Variants in ATRX observed in about 807,000 individuals in gnomAD.
ATRX encodes chromatin remodeler ATRX.
A neutral mutation model predicts 172.6 loss-of-function variants in ATRX; 12 were observed. The observed-to-expected ratio is 0.07, with a 90% CI of 0.04 to 0.11. ATRX has a LOEUF of 0.11. ATRX is among the 10% of genes least tolerant of loss of function. The pLI is 1.00. For missense variants in ATRX, 1,368 were observed against 1,767.4 expected, an observed-to-expected ratio of 0.77 and a Z score of 4.05; for synonymous variants, 674 against 594.7, an observed-to-expected ratio of 1.13 and a Z score of -1.94.
At chrX:77,569,873 TAATAC>T (rs1180834694) in intron 28 of ATRX, among the ~76,000 whole-genome samples, 5 of 112,119 alleles carry the variant, frequency 4.5e-5, no homozygotes, top group African/African-American at 1.6e-4. Flanking sequence ...GTAATAGGTT[TAATAC>T]AATACCTATT....
At chrX:77,633,843 C>T in intron 17 of ATRX, 131 bp from the exon 18 acceptor site, 3 of 686,964 alleles carry the variant, frequency 4.4e-6, no homozygotes. Context: ...CCAGGCAAGG[C>T]ACAGGGAAAG....
At chrX:77,700,370 T>C (rs1569540984) in intron 2 of ATRX, among the ~76,000 whole-genome samples, 1 of 111,674 alleles carries the variant, frequency 9.0e-6, no homozygotes, top group Non-Finnish European at 1.9e-5. Context: ...CAAAAGAAAC[T>C]ATCATTTATT....
chrX:77,648,151 C>G (rs2069009680), intron 15 of ATRX, among the ~76,000 whole-genome samples: 1 of 110,864 alleles, frequency 9.0e-6, no homozygotes. Context: ...TCTGAGAGAC[C>G]TACAAGGAGA....
At chrX:77,716,323 AATATATATATAT>A (rs1292367303) in intron 2 of ATRX, among the ~76,000 whole-genome samples, 2 of 21,027 alleles carry the variant, frequency 9.5e-5, no homozygotes, top group Non-Finnish European at 1.8e-4. Flanking sequence ...AAAAAAAAAA[AATATATATATAT>A]ATATATATAT....
intron 19 of ATRX, among the ~76,000 whole-genome samples, chrX:77,628,041 TG>T (rs2148313409): frequency 8.9e-6 from 1 of 112,171 alleles, no homozygotes; most frequent in East Asian, 2.8e-4. Context: ...ATGGCAGCCA[TG>T]AGGCTCTGGA....
chrX:77,583,404 A>T (rs1341908444), intron 27 of ATRX, among the ~76,000 whole-genome samples: 1 of 110,847 alleles, frequency 9.0e-6, no homozygotes, highest in Non-Finnish European at 1.9e-5. Context: ...CACGCCTGTA[A>T]TCCCAGCTAC....
At chrX:77,626,042 T>TGC (rs1569532427) in intron 19 of ATRX, among the ~76,000 whole-genome samples, 11 of 18,570 alleles carry the variant, frequency 5.9e-4, no homozygotes, top group African/African-American at 2.8e-3. Context: ...TATATATATA[T>TGC]ATATATATAT....
chrX:77,600,280 A>G (rs2066626453), intron 23 of ATRX, among the ~76,000 whole-genome samples, 154 bp downstream of exon 23: 1 of 112,068 alleles, frequency 8.9e-6, no homozygotes, highest in Non-Finnish European at 1.9e-5. Flanking sequence ...ACACTCCTAT[A>G]ATCATAATAC....
intron 25 of ATRX, chrX:77,595,648 G>T (rs1352114867): frequency 9.0e-6 from 1 of 110,845 alleles, no homozygotes; most frequent in Non-Finnish European, 1.9e-5. Flanking sequence ...CCTGTCCCTG[G>T]ATAAATGAAA....
Position 77,562,093 on chromosome X carries a change from C to CA in ATRX, c.6327-3248dup, listed in dbSNP as rs1262499243. 2.7e-5 allele frequency among the ~76,000 whole-genome samples: 3 copies of CA among 112,089 alleles called. No individual in the cohort carries two copies. The East Asian group carries it at 8.4e-4, about 31-fold the overall frequency. ...CTCTATCATTATACTTCTGTCAAAT[C>CA]AAGAATGGCATTTTCCAGTTAGCAT... is the stretch of plus-strand genomic sequence containing the variant. On this transcript the variant is annotated intron_variant, in intron 28 of 34. Coordinates refer to ENST00000373344, the MANE Select transcript of ATRX (RefSeq NM_000489.6).
At chrX:77,603,165 T>C (rs1557088134) in intron 22 of ATRX, among the ~76,000 whole-genome samples, 1 of 111,026 alleles carries the variant, frequency 9.0e-6, no homozygotes, top group African/African-American at 3.3e-5. Flanking sequence ...ACATACAATA[T>C]ATCAACACTG....
intron 10 of ATRX, among the ~76,000 whole-genome samples, chrX:77,667,245 GA>G (rs1436024516): frequency 5.0e-4 from 54 of 107,485 alleles, no homozygotes; most frequent in African/African-American, 1.3e-3. Flanking sequence ...TCATGGACCA[GA>G]AAAACTTCCT....
intron 30 of ATRX, among the ~76,000 whole-genome samples, chrX:77,531,184 A>G (rs1241642965): frequency 8.9e-6 from 1 of 112,037 alleles, no homozygotes; most frequent in Non-Finnish European, 1.9e-5. Flanking sequence ...ATGGATTCAT[A>G]GCCGAATTCT....
intron 21 of ATRX, 53 bp from the exon 22 acceptor site, chrX:77,616,783 G>A: frequency 1.1e-6 from 1 of 874,521 alleles, no homozygotes. Context: ...TAACAGGAAT[G>A]AACTACAAGT....
At chrX:77,716,726 G>A in intron 2 of ATRX, among the ~76,000 whole-genome samples, 1 of 111,264 alleles carries the variant, frequency 9.0e-6, no homozygotes, top group Non-Finnish European at 1.9e-5. Context: ...CTGGGTGACA[G>A]AGCGAGACTC....
intron 1 of ATRX, among the ~76,000 whole-genome samples, chrX:77,784,394 T>C (rs2076665332): frequency 1.8e-5 from 2 of 112,561 alleles, no homozygotes; most frequent in Admixed American, 9.5e-5. Context: ...ATTATTCTAT[T>C]CAGAAATTCT....
chrX:77,607,431 A>G (rs913017861), intron 22 of ATRX, among the ~76,000 whole-genome samples: 1 of 111,858 alleles, frequency 8.9e-6, no homozygotes, highest in Non-Finnish European at 1.9e-5. Context: ...TTAAGAAGCG[A>G]GGCAGGGCAC....
chrX:77,730,702 A>G (rs1410957609), intron 1 of ATRX, among the ~76,000 whole-genome samples: 1 of 112,348 alleles, frequency 8.9e-6, no homozygotes, highest in Non-Finnish European at 1.9e-5. Context: ...ATACAAATAC[A>G]TGTAAATTAA....
intron 1 of ATRX, among the ~76,000 whole-genome samples, chrX:77,762,227 C>A (rs906459180): frequency 3.8e-5 from 4 of 105,118 alleles, no homozygotes; most frequent in Non-Finnish European, 5.8e-5. Context: ...TGGCATGAAT[C>A]CGGGAGGTGG....
Sources: allele counts gnomAD v4.1 joint callset (sites outside exome capture counted in the v4.1 genomes callset), GRCh38; gene constraint gnomAD v4.1.1; transcripts MANE v1.5; gene names NCBI Gene and HGNC (gene_info 2026-07-23, HGNC 2026-07-21).